The following TENM2 variants were observed in gnomAD, a reference collection of about 807,000 sequenced individuals.
The protein encoded by TENM2 is teneurin transmembrane protein 2, also known as teneurin-2.
Under a neutral mutation model 245.2 loss-of-function variants are expected in TENM2, and 52 were observed. The ratio of observed to expected loss-of-function variants is 0.21; its 90% CI spans 0.17 to 0.27. The LOEUF is 0.27. TENM2 is among the 10% of genes least tolerant of loss of function. The pLI, the probability that TENM2 is intolerant of heterozygous loss-of-function variation, is 1.00. For missense variants in TENM2, 3,046 were observed against 3,666.8 expected, an observed-to-expected ratio of 0.83 and a Z score of 4.37; for synonymous variants, 1,363 against 1,438.9, an observed-to-expected ratio of 0.95 and a Z score of 1.19.
the TENM2 span, among the ~76,000 whole-genome samples, chr5:167,257,459 A>G: frequency 0.67 from 101,637 of 151,880 alleles, 35,369 homozygotes; most frequent in Middle Eastern, 0.86. Flanking sequence ...CTTTGGGTAT[A>G]TCCTAATTCC....
exon 4 of TENM2, chr5:167,952,753 C>T (rs1248033275): frequency 6.3e-7 from 1 of 1,587,596 alleles, no homozygotes; most frequent in East Asian, 2.3e-5. Flanking sequence ...AATGACCTGG[C>T]CACCACACCA....
At chr5:167,708,892 T>C (rs1332259976) in intron 2 of TENM2, among the ~76,000 whole-genome samples, 1 of 152,152 alleles carries the variant, frequency 6.6e-6, no homozygotes, top group Non-Finnish European at 1.5e-5. Flanking sequence ...AAAAACACCA[T>C]TTCTCTTTCT....
At chr5:167,036,788 C>G in the TENM2 span, among the ~76,000 whole-genome samples, 1 of 152,190 alleles carries the variant, frequency 6.6e-6, no homozygotes, top group Non-Finnish European at 1.5e-5. Flanking sequence ...AGCTGTCCTG[C>G]TTTCCAAGGG....
rs759211946 is a variant in TENM2 at position 168,190,414 on chromosome 5, C to T, written c.2647C>T (p.Arg883Trp). Reference sequence around the variant, plus strand: ...GAACAGCCTGCTCTGCCGGGGGTCCCGGGACCCACTGGACATCATTCAGCA... The same window carrying T: ...GAACAGCCTGCTCTGCCGGGGGTCCTGGGACCCACTGGACATCATTCAGCA... The change falls in exon 14 of 29, where the codon CGG becomes TGG. Residue 883 changes from arginine (R) to tryptophan (W), a missense_variant. Arg to Trp is a moderately radical substitution (Grantham distance 101). Coordinates refer to ENST00000518659, the Ensembl canonical transcript of TENM2. 6.2e-6 allele frequency: 10 copies of T among 1,613,950 alleles called. No homozygotes were observed. The highest frequency in any genetic ancestry group is 1.6e-4 in the Middle Eastern group (1 of 6,062).
chr5:167,892,616 G>A (rs1317491257), intron 3 of TENM2, among the ~76,000 whole-genome samples: 1 of 152,162 alleles, frequency 6.6e-6, no homozygotes, highest in Non-Finnish European at 1.5e-5. Flanking sequence ...AAGTTTCAGA[G>A]GTCAAGCTTA....
the TENM2 span, among the ~76,000 whole-genome samples, chr5:167,012,677 C>A: frequency 6.6e-6 from 1 of 152,126 alleles, no homozygotes; most frequent in African/African-American, 2.4e-5. Context: ...GGAACCCAAC[C>A]AAAGGGAGAT....
chr5:167,247,253 G>A, the TENM2 span, among the ~76,000 whole-genome samples: 2 of 152,210 alleles, frequency 1.3e-5, 1 homozygote, highest in South Asian at 4.1e-4. Flanking sequence ...GTAAGTGACA[G>A]GGCTGAATTC....
intron 6 of TENM2, among the ~76,000 whole-genome samples, chr5:168,054,621 T>C (rs1361684244): frequency 6.6e-6 from 1 of 152,234 alleles, no homozygotes; most frequent in Non-Finnish European, 1.5e-5. Context: ...ATCACTTGTT[T>C]GGGGAATAGT....
the TENM2 span, among the ~76,000 whole-genome samples, chr5:167,082,376 C>T: frequency 1.3e-5 from 2 of 152,052 alleles, no homozygotes; most frequent in Admixed American, 6.6e-5. Flanking sequence ...CTCCACCTCC[C>T]GGATTCAAGC....
chr5:167,377,049 C>T (rs1208958883), intron 2 of TENM2, among the ~76,000 whole-genome samples: 1 of 152,066 alleles, frequency 6.6e-6, no homozygotes, highest in Non-Finnish European at 1.5e-5. Context: ...AGACCTGCAC[C>T]TTCTCCCATT....
chr5:167,324,511 T>C (rs552839832), intron 1 of TENM2, among the ~76,000 whole-genome samples: 4 of 152,296 alleles, frequency 2.6e-5, no homozygotes, highest in African/African-American at 9.6e-5. Context: ...AAGCTCTGTT[T>C]TGATCACAAA....
intron 2 of TENM2, among the ~76,000 whole-genome samples, chr5:167,788,912 T>C (rs1764758964): frequency 6.6e-6 from 1 of 152,134 alleles, no homozygotes; most frequent in East Asian, 1.9e-4. Context: ...GGAAAGTGAG[T>C]CCTAATAGCA....
At position 167,483,821 on chromosome 5, in the gene TENM2, G is replaced by C. The variant is rs140266055; in HGVS notation, c.502+108348G>C. On this transcript the variant is annotated intron_variant, in intron 2 of 28. Coordinates refer to ENST00000518659, the Ensembl canonical transcript of TENM2. ...AATTTGTTATTCTAATTCTGCTGCT[G>C]AGTTGGCTGTTTTATTTAACGATAA... Among the ~76,000 whole-genome samples the C allele has an allele frequency of 3.1e-3, 478 of 152,290 alleles. 22 individuals are homozygous for C. In the South Asian group the frequency reaches 0.08, roughly 26 times the overall value.
At chr5:167,242,046 G>T in the TENM2 span, among the ~76,000 whole-genome samples, 3,296 of 131,380 alleles carry the variant, frequency 0.025, 79 homozygotes, top group Non-Finnish European at 0.041. Context: ...TTTGTTTTTT[G>T]TTTTTTTTTT....
At chr5:167,642,235 G>A (rs1426525362) in intron 2 of TENM2, among the ~76,000 whole-genome samples, 18 of 151,546 alleles carry the variant, frequency 1.2e-4, no homozygotes, top group Admixed American at 1.2e-3. Flanking sequence ...GCAGCAAATA[G>A]TTCTCTTTAA....
intron 2 of TENM2, among the ~76,000 whole-genome samples, chr5:167,483,625 T>C (rs926906255): frequency 4.6e-5 from 7 of 152,248 alleles, no homozygotes; most frequent in African/African-American, 1.7e-4. Context: ...ATTCTGTGTG[T>C]ACTTCTGTTA....
At chr5:167,333,553 T>A (rs545056534) in intron 1 of TENM2, among the ~76,000 whole-genome samples, 17 of 152,322 alleles carry the variant, frequency 1.1e-4, no homozygotes, top group South Asian at 2.1e-4. Flanking sequence ...TTATATGTCC[T>A]TGGGCCAGCT....
intron 6 of TENM2, among the ~76,000 whole-genome samples, chr5:168,057,126 G>A (rs1265212909): frequency 1.3e-5 from 2 of 152,060 alleles, no homozygotes; most frequent in Non-Finnish European, 2.9e-5. Flanking sequence ...CTTTCCAAAA[G>A]TGTAATTCAG....
intron 2 of TENM2, among the ~76,000 whole-genome samples, chr5:167,456,030 C>A (rs1276380980): frequency 6.6e-6 from 1 of 152,140 alleles, no homozygotes; most frequent in East Asian, 1.9e-4. Context: ...TTCACTTTGA[C>A]TATCCTTAAG....
Sources: gnomAD v4.1 joint callset for allele counts (sites outside exome capture counted in the v4.1 genomes callset) on GRCh38, gnomAD v4.1.1 for gene constraint, MANE v1.5 for transcripts, NCBI Gene and HGNC (gene_info 2026-07-23, HGNC 2026-07-21) for gene names.